OR4D1: variants seen among roughly 807,000 people sequenced by gnomAD.
OR4D1 encodes the protein olfactory receptor 4D1.
Under a neutral mutation model 14.2 loss-of-function variants are expected in OR4D1, and 10 were observed. The observed-to-expected ratio is 0.71, with a 90% confidence interval of 0.44 to 1.20. The LOEUF (loss-of-function observed/expected upper bound fraction) is 1.20. Among genes scored for constraint, OR4D1 ranks in the 50% most tolerant of loss-of-function variants. The pLI is 0.00. For missense variants in OR4D1, 345 were observed against 376.6 expected (o/e 0.92, Z 0.70); for synonymous variants, 141 against 147.4 (o/e 0.96, Z 0.32).
chr17:58,159,268 G>A lies in OR4D1; in HGVS notation c.*3182G>A, dbSNP rs1005027122. On this transcript the variant is annotated 3_prime_UTR_variant, in exon 4 of 4. Coordinates refer to ENST00000268912, the MANE Select transcript of OR4D1 (RefSeq NM_001386095.1). ...TTAAATATGGCCCCTTCAAAATTCA[G>A]GTATTGAAATTTAATGTTCAGTGTG... 1 of 152,156 alleles carries A rather than the reference G, an allele frequency of 6.6e-6. No individual in the cohort carries two copies. The highest frequency in any genetic ancestry group is 1.5e-5 in the Non-Finnish European group (1 of 68,042). 9.4% of individuals were successfully genotyped at this position (152,156 alleles called of 1,614,324 possible).
In OR4D1 at chr17:58,155,889, G is replaced by A. The variant is rs781003628; in HGVS notation, c.736G>A (p.Val246Met). The A allele has an allele frequency of 9.9e-6, 16 of 1,614,088 alleles. No individual in the cohort carries two copies. The highest frequency in any genetic ancestry group is 1.6e-4 in the Middle Eastern group (1 of 6,062). Residue 246 changes from valine to methionine, a missense_variant, in exon 4 of 4, where the codon GTG (valine) becomes ATG (methionine). Val to Met is a conservative substitution (Grantham distance 21). Coordinates refer to ENST00000268912, the MANE Select transcript of OR4D1 (RefSeq NM_001386095.1). Reference sequence around the variant, plus strand: ...TTCCACCTGCACCACCCACATCATCGTGGTGTCCATGATCTTCATTCCCTG... The same window carrying A: ...TTCCACCTGCACCACCCACATCATCATGGTGTCCATGATCTTCATTCCCTG... ...AASTCTTHII[V>M]VSMIFIPCIY...
chr17:58,157,391 C>G lies in OR4D1; in HGVS notation c.*1305C>G. 1.6e-6 allele frequency: 2 copies of G among 1,229,734 alleles called. No homozygotes were observed. The highest frequency in any genetic ancestry group is 3.8e-5 in the Admixed American group (2 of 51,960). 76.2% of individuals were successfully genotyped at this position (1,229,734 alleles called of 1,614,324 possible). On this transcript the variant is annotated 3_prime_UTR_variant, in exon 4 of 4. Transcript: ENST00000268912. Reference sequence around the variant, plus strand: ...TTCGCCGCCGCCAAGACACGTGAGCCCTACCACCTGCACCCTGAGAAAACA... The same window carrying G: ...TTCGCCGCCGCCAAGACACGTGAGCGCTACCACCTGCACCCTGAGAAAACA...
chr17:58,155,823 A>G lies in OR4D1; in HGVS notation c.670A>G (p.Met224Val). ...LLISYTVILV[M>V]LRSHSGKARR... is the part of the protein sequence containing the mutation. ...GATCTCTTATACTGTCATCCTGGTG[A>G]TGCTGAGGTCCCACTCGGGAAAGGC... Residue 224 changes from methionine (M) to valine (V), a missense_variant, in exon 4 of 4, where the codon ATG becomes GTG. Met to Val is a conservative substitution (Grantham distance 21, BLOSUM62 1). Transcript: ENST00000268912. The G allele has an allele frequency of 6.2e-7, 1 of 1,614,114 alleles. No individual in the cohort carries two copies. Among genetic ancestry groups the G allele is most frequent in the South Asian group, 1.1e-5 (1 of 91,076 alleles).
Position 58,157,672 on chromosome 17 carries a change from CCCCATCAG to C in OR4D1, c.*1588_*1595del, listed in dbSNP as rs1337503356. ...TACCCTCCAGCTTCAGTCTCCCTTTCCCCATCAGCTCGCCCCTGCAGGCAGCGTCCATA... is the reference window on the plus strand; with the variant it reads ...TACCCTCCAGCTTCAGTCTCCCTTTCCTCGCCCCTGCAGGCAGCGTCCATA... On this transcript the variant is annotated 3_prime_UTR_variant, in exon 4 of 4. Transcript: ENST00000268912. 3 of 1,613,806 alleles carry C rather than the reference CCCCATCAG, an allele frequency of 1.9e-6. No homozygotes were observed. In the African/African-American group the frequency reaches 4.0e-5, roughly 22 times the overall value.
rs1285552557 is a variant in OR4D1 at position 58,155,642 on chromosome 17, A to T, written c.489A>T (p.Ile163=). ...FVHSIVQLAL[I]LPLPFCGPNI... is the part of the protein sequence containing the mutation. Reference sequence around the variant, plus strand: ...ACTCCATTGTCCAACTGGCTCTGATACTTCCACTGCCCTTCTGTGGCCCCA... The same window carrying T: ...ACTCCATTGTCCAACTGGCTCTGATTCTTCCACTGCCCTTCTGTGGCCCCA... The change falls in exon 4 of 4, where the codon ATA becomes ATT. Residue 163 remains isoleucine, a synonymous_variant. Coordinates refer to ENST00000268912, the MANE Select transcript of OR4D1 (RefSeq NM_001386095.1). 6 of 1,613,976 alleles carry T rather than the reference A, an allele frequency of 3.7e-6. No individual in the cohort carries two copies. In the South Asian group the frequency reaches 4.4e-5, roughly 12 times the overall value.
At chr17:58,151,316 T>C (rs1191197215) in intron 2 of OR4D1, among the ~76,000 whole-genome samples, 1 of 152,196 alleles carries the variant, frequency 6.6e-6, no homozygotes, top group Admixed American at 6.5e-5. Context: ...GTTTGTTACA[T>C]AGGTAAACAT....
At position 58,155,776 on chromosome 17, in the gene OR4D1, T is replaced by A; in HGVS notation, c.623T>A (p.Ile208Asn). 3 of 1,614,212 alleles carry A rather than the reference T, an allele frequency of 1.9e-6. No homozygotes were observed. Among genetic ancestry groups the A allele is most frequent in the Non-Finnish European group, 2.5e-6 (3 of 1,180,032 alleles). The change falls in exon 4 of 4, where the codon ATC becomes AAC. Residue 208 changes from isoleucine to asparagine, a missense_variant. Ile to Asn is a moderately radical substitution (Grantham distance 149). Transcript: ENST00000268912. ...ATCTCCAACAGTGGGCTGCTAGTTA[T>A]CATCTGGTTCCTCCTCCTTCTGATC... is the stretch of plus-strand genomic sequence containing the variant. Reference protein sequence around the residue: ...LMISNSGLLVIIWFLLLLISY... With the variant: ...LMISNSGLLVNIWFLLLLISY...
rs1967787479 is a variant in OR4D1, at chr17:58,157,160, G to A, written c.*1074G>A. 3 of 1,461,058 alleles carry A rather than the reference G, an allele frequency of 2.1e-6. No homozygotes were observed. The highest frequency in any genetic ancestry group is 2.7e-6 in the Non-Finnish European group (3 of 1,102,420). 90.5% of individuals were successfully genotyped at this position (1,461,058 alleles called of 1,614,324 possible). On this transcript the variant is annotated 3_prime_UTR_variant, in exon 4 of 4. Transcript: ENST00000268912. Reference sequence around the variant, plus strand: ...CCTACAGTGTGGATGCGCTCGTGTCGGACAAGAAGCCGCCCAAGGAGGCAT... The same window carrying A: ...CCTACAGTGTGGATGCGCTCGTGTCAGACAAGAAGCCGCCCAAGGAGGCAT...
At position 58,152,472 on chromosome 17, in the gene OR4D1, A is replaced by C. The variant is rs920534335; in HGVS notation, c.-126-1385A>C. On this transcript the variant is annotated intron_variant, in intron 2 of 3. Transcript: ENST00000268912. ...ATTTGTATATATTTACAAAGTAGAG[A>C]GAATCACCATTTTCAGAATTACCAC... Among the ~76,000 whole-genome samples the C allele has an allele frequency of 5.9e-5, 9 of 152,332 alleles. No homozygotes were observed. In the South Asian group the frequency reaches 1.5e-3, roughly 25 times the overall value.
rs1387199458 is a variant in OR4D1 at position 58,149,570 on chromosome 17, C to A, written c.-353C>A. Reference sequence around the variant, plus strand: ...ACATATTGGATTTGCACTGAAATTACAACACATGTGAGGAACAGAGCCATC... The same window carrying A: ...ACATATTGGATTTGCACTGAAATTAAAACACATGTGAGGAACAGAGCCATC... On this transcript the variant is annotated 5_prime_UTR_variant, in exon 2 of 4. Transcript: ENST00000268912. 6.6e-6 allele frequency: 1 copy of A among 152,194 alleles called. No homozygotes were observed. The highest frequency in any genetic ancestry group is 1.5e-5 in the Non-Finnish European group (1 of 68,038). 9.4% of individuals were successfully genotyped at this position (152,194 alleles called of 1,614,324 possible).
Position 58,157,459 on chromosome 17 carries a change from G to T in OR4D1, c.*1373G>T. The T allele has an allele frequency of 1.8e-6, 2 of 1,109,250 alleles. No homozygotes were observed. The highest frequency in any genetic ancestry group is 4.8e-5 in the East Asian group (2 of 41,844). The allele number at this position is 1,109,250 out of a possible 1,614,324, so 68.7% of individuals were successfully genotyped here. ...CGCGCACAGCCTTTACCACGTCCCAGCTCCTCGCTCTGGAGGGCAAGTTGC... is the reference window on the plus strand; with the variant it reads ...CGCGCACAGCCTTTACCACGTCCCATCTCCTCGCTCTGGAGGGCAAGTTGC... On this transcript the variant is annotated 3_prime_UTR_variant, in exon 4 of 4. Coordinates refer to ENST00000268912, the MANE Select transcript of OR4D1 (RefSeq NM_001386095.1).
chr17:58,157,257 C>G lies in OR4D1; in HGVS notation c.*1171C>G. ...ACTGCTGCTGCCGGGGCACGGCGCT[C>G]GGGAAGCGCACAGCCCCGGGCCGCT... is the stretch of plus-strand genomic sequence containing the variant. On this transcript the variant is annotated 3_prime_UTR_variant, in exon 4 of 4. Transcript: ENST00000268912. 6.8e-7 allele frequency: 1 copy of G among 1,470,230 alleles called. No homozygotes were observed. Among genetic ancestry groups the G allele is most frequent in the Non-Finnish European group, 9.0e-7 (1 of 1,113,156 alleles). 91.1% of individuals were successfully genotyped at this position (1,470,230 alleles called of 1,614,324 possible).
intron 2 of OR4D1, among the ~76,000 whole-genome samples, chr17:58,151,831 A>G (rs1967707931): frequency 6.6e-6 from 1 of 152,230 alleles, no homozygotes; most frequent in Non-Finnish European, 1.5e-5. Context: ...AATGTGATGA[A>G]TATCCTTAAG....
rs1967798964 is a variant in OR4D1 at position 58,157,889 on chromosome 17, ACTC to A, written c.*1806_*1808del. 1 of 1,324,992 alleles carries A rather than the reference ACTC, an allele frequency of 7.5e-7. No homozygotes were observed. Among genetic ancestry groups the A allele is most frequent in the African/African-American group, 1.4e-5 (1 of 69,824 alleles). 82.1% of individuals were successfully genotyped at this position (1,324,992 alleles called of 1,614,324 possible). On this transcript the variant is annotated 3_prime_UTR_variant, in exon 4 of 4. Transcript: ENST00000268912. ...CTCCAAGAAGGCAGGACCAGCCAATACTCCTGTTCTGCAAACCCTGAGTGCACC... is the reference window on the plus strand; with the variant it reads ...CTCCAAGAAGGCAGGACCAGCCAATACTGTTCTGCAAACCCTGAGTGCACC...
intron 2 of OR4D1, among the ~76,000 whole-genome samples, chr17:58,152,672 C>T (rs1005126650): frequency 3.9e-5 from 6 of 152,180 alleles, no homozygotes; most frequent in Admixed American, 3.3e-4. Flanking sequence ...CAGTGGCTCA[C>T]ACCTGTGATC....
chr17:58,155,413 A>G lies in OR4D1; in HGVS notation c.260A>G (p.His87Arg), dbSNP rs1398016818. Residue 87 changes from histidine (H) to arginine (R), a missense_variant, in exon 4 of 4, where the codon CAT becomes CGT. By Grantham distance (29) the His-to-Arg change is conservative. Coordinates refer to ENST00000268912, the MANE Select transcript of OR4D1 (RefSeq NM_001386095.1). ...CCAAAGATGCTGGTGGACTTCCTCC[A>G]TGAGACCAAGACGATCTCCTACCAG... is the stretch of plus-strand genomic sequence containing the variant. ...TSPKMLVDFL[H>R]ETKTISYQGC... The G allele has an allele frequency of 1.2e-6, 2 of 1,614,140 alleles. No homozygotes were observed. Among genetic ancestry groups the G allele is most frequent in the Non-Finnish European group, 1.7e-6 (2 of 1,180,018 alleles).
At position 58,157,371 on chromosome 17, in the gene OR4D1, C is replaced by G. The variant is rs1967790150; in HGVS notation, c.*1285C>G. ...TGCAGGAACCCTGCTGATAATTCGCCGCCGCCAAGACACGTGAGCCCTACC... is the reference window on the plus strand; with the variant it reads ...TGCAGGAACCCTGCTGATAATTCGCGGCCGCCAAGACACGTGAGCCCTACC... On this transcript the variant is annotated 3_prime_UTR_variant, in exon 4 of 4. Coordinates refer to ENST00000268912, the MANE Select transcript of OR4D1 (RefSeq NM_001386095.1). 4 of 1,351,034 alleles carry G rather than the reference C, an allele frequency of 3.0e-6. No individual in the cohort carries two copies. The highest frequency in any genetic ancestry group is 4.1e-6 in the Non-Finnish European group (4 of 973,704). 83.7% of individuals were successfully genotyped at this position (1,351,034 alleles called of 1,614,324 possible).
At chr17:58,154,141 T>C (rs1967736482) in intron 3 of OR4D1, among the ~76,000 whole-genome samples, 178 bp downstream of exon 3, 1 of 151,526 alleles carries the variant, frequency 6.6e-6, no homozygotes, top group African/African-American at 2.4e-5. Flanking sequence ...ATTTTTTTTA[T>C]AGAGGTAGGG....
At position 58,156,299 on chromosome 17, in the gene OR4D1, G is replaced by A; in HGVS notation, c.*213G>A. The stretch of plus-strand genomic sequence containing the variant: ...GGAGCCTTGCTCTGTCACCCAGGCT[G>A]GAGTGCAGTGGTGCAGTCTAGGCTC... On this transcript the variant is annotated 3_prime_UTR_variant, in exon 4 of 4. Transcript: ENST00000268912. 2.0e-6 allele frequency: 1 copy of A among 502,694 alleles called. No individual in the cohort carries two copies. The highest frequency in any genetic ancestry group is 3.5e-6 in the Non-Finnish European group (1 of 284,246). 31.1% of individuals were successfully genotyped at this position (502,694 alleles called of 1,614,324 possible).
Sources: allele counts gnomAD v4.1 joint callset (sites outside exome capture counted in the v4.1 genomes callset), GRCh38; gene constraint gnomAD v4.1.1; transcripts MANE v1.5; gene names NCBI Gene and HGNC (gene_info 2026-07-23, HGNC 2026-07-21).